Variants in FAM216A observed in about 807,000 individuals in gnomAD.
The protein encoded by FAM216A is protein FAM216A.
FAM216A carries 26 observed loss-of-function variants against 37.6 expected under a neutral mutation model. That is an observed-to-expected ratio of 0.69 (90% CI 0.51 to 0.96). The LOEUF (loss-of-function observed/expected upper bound fraction) is 0.96, where lower values mean the gene tolerates loss of function less well. FAM216A is among the 40% of genes least tolerant of loss of function. The pLI is 0.00. For synonymous variants in FAM216A, 110 were observed against 121.7 expected (o/e 0.90, Z 0.64); for missense variants, 326 against 339.3 (o/e 0.96, Z 0.31).
At chr12:110,474,133 T>A (rs2062702463) in intron 2 of FAM216A, among the ~76,000 whole-genome samples, 1 of 152,106 alleles carries the variant, frequency 6.6e-6, no homozygotes. Context: ...AATAATATGG[T>A]CATTTAAAAA....
intron 3 of FAM216A, 52 bp downstream of exon 3, chr12:110,485,251 G>C (rs539886809): frequency 1.3e-6 from 2 of 1,544,346 alleles, no homozygotes; most frequent in Non-Finnish European, 1.7e-6. Flanking sequence ...ATTCAGAGCC[G>C]AACTTTTTAC....
chr12:110,472,194 G>A (rs1354582465), intron 1 of FAM216A, among the ~76,000 whole-genome samples: 3 of 151,252 alleles, frequency 2.0e-5, no homozygotes, highest in African/African-American at 7.3e-5. Flanking sequence ...TCACGCCATT[G>A]CACTCCAGCC....
chr12:110,484,658 A>G (rs1170546930), intron 2 of FAM216A, among the ~76,000 whole-genome samples: 1 of 151,896 alleles, frequency 6.6e-6, no homozygotes, highest in South Asian at 2.1e-4. Flanking sequence ...GTGCTCTAAA[A>G]CCAAATGGCA....
intron 2 of FAM216A, among the ~76,000 whole-genome samples, chr12:110,484,751 T>G (rs1219091780): frequency 6.6e-6 from 1 of 151,870 alleles, no homozygotes; most frequent in Non-Finnish European, 1.5e-5. Context: ...TGTAAATATC[T>G]AGATCTTTTT....
At chr12:110,469,149 A>G in intron 1 of FAM216A, 131 bp downstream of exon 1, 2 of 1,101,288 alleles carry the variant, frequency 1.8e-6, no homozygotes, top group Non-Finnish European at 2.4e-6. Flanking sequence ...GGTGCCCTCA[A>G]GTGAGAGGCG....
chr12:110,475,275 T>C (rs1342806091), intron 2 of FAM216A, among the ~76,000 whole-genome samples: 2 of 152,204 alleles, frequency 1.3e-5, no homozygotes, highest in Non-Finnish European at 2.9e-5. Flanking sequence ...GGAGTCTCAC[T>C]CTGTCGCCCA....
intron 2 of FAM216A, among the ~76,000 whole-genome samples, chr12:110,479,663 C>T (rs1214583504): frequency 6.6e-6 from 1 of 151,780 alleles, no homozygotes; most frequent in Admixed American, 6.6e-5. Flanking sequence ...ATGATGAAAC[C>T]CCGTCTCTAC....
chr12:110,478,832 C>T (rs188113631), intron 2 of FAM216A, among the ~76,000 whole-genome samples: 4 of 151,960 alleles, frequency 2.6e-5, no homozygotes, highest in Non-Finnish European at 4.4e-5. Flanking sequence ...TGTTTTAAGC[C>T]GCTAAAGTTG....
At chr12:110,474,736 T>C (rs2062705963) in intron 2 of FAM216A, among the ~76,000 whole-genome samples, 1 of 140,950 alleles carries the variant, frequency 7.1e-6, no homozygotes, top group Admixed American at 7.3e-5. Context: ...GCGCCGTGGC[T>C]CACGCCTGTA....
rs1244357658 is a variant in FAM216A at position 110,485,144 on chromosome 12, C to T, written c.251C>T (p.Pro84Leu). 2 of 1,612,760 alleles carry T rather than the reference C, an allele frequency of 1.2e-6. No individual in the cohort carries two copies. Among genetic ancestry groups the T allele is most frequent in the Non-Finnish European group, 1.7e-6 (2 of 1,179,588 alleles). The part of the protein sequence containing the change: ...IAKLQELWKT[P>L]QNQTIHLSKS... ...AAGCTGCAAGAGTTATGGAAAACTC[C>T]CCAAAATCAAACAATCCACCTCTCT... Residue 84 changes from proline (P) to leucine (L), a missense_variant, in exon 3 of 7, where the codon CCC becomes CTC. Transcript: ENST00000377673.
In FAM216A at chr12:110,490,334, A is replaced by G. The variant is rs1454843267; in HGVS notation, c.*197A>G. The G allele has an allele frequency of 1.8e-6, 1 of 553,618 alleles. No homozygotes were observed. The highest frequency in any genetic ancestry group is 3.2e-6 in the Non-Finnish European group (1 of 312,262). The allele number at this position is 553,618 out of a possible 1,614,324, so 34.3% of individuals were successfully genotyped here. ...AGTTATGTAAGAAAATTTACATGTA[A>G]CATATACTTGTACTTCTAGCTAGAT... On this transcript the variant is annotated 3_prime_UTR_variant, in exon 7 of 7. Transcript: ENST00000377673.
intron 2 of FAM216A, among the ~76,000 whole-genome samples, chr12:110,481,954 C>T (rs1565852386): frequency 6.6e-6 from 1 of 152,092 alleles, no homozygotes; most frequent in Non-Finnish European, 1.5e-5. Context: ...CTAGTTAGTC[C>T]TTACCTGTAG....
chr12:110,472,287 A>G (rs2062691051), intron 1 of FAM216A, among the ~76,000 whole-genome samples: 1 of 152,106 alleles, frequency 6.6e-6, no homozygotes, highest in Non-Finnish European at 1.5e-5. Context: ...AAATCACTTC[A>G]TTAAAAATAA....
intron 1 of FAM216A, among the ~76,000 whole-genome samples, chr12:110,472,584 G>A (rs1249244935): frequency 6.6e-6 from 1 of 151,850 alleles, no homozygotes; most frequent in Non-Finnish European, 1.5e-5. Context: ...AAAAATCTTG[G>A]AGCCATTAGG....
At position 110,490,376 on chromosome 12, in the gene FAM216A, T is replaced by C; in HGVS notation, c.*239T>C. On this transcript the variant is annotated 3_prime_UTR_variant, in exon 7 of 7. Transcript: ENST00000377673. ...TAGCTAGATACAATTAAAACTTTTC[T>C]TGCATTCAATATTGAATTACTTTTC... The C allele has an allele frequency of 2.4e-6, 1 of 421,792 alleles. No individual in the cohort carries two copies. The highest frequency in any genetic ancestry group is 2.8e-5 in the South Asian group (1 of 35,792). The allele number at this position is 421,792 out of a possible 1,614,324, so 26.1% of individuals were successfully genotyped here.
At chr12:110,485,013 C>T (rs1592982246) in intron 2 of FAM216A, 65 bp from the exon 3 acceptor site, 1 of 1,535,464 alleles carries the variant, frequency 6.5e-7, no homozygotes, top group Non-Finnish European at 8.8e-7. Context: ...ATATCTAGAT[C>T]TTAATAATTC....
At chr12:110,481,646 T>A (rs948938791) in intron 2 of FAM216A, among the ~76,000 whole-genome samples, 1 of 151,960 alleles carries the variant, frequency 6.6e-6, no homozygotes, top group Non-Finnish European at 1.5e-5. Flanking sequence ...TATACAGGCA[T>A]GAGCCACCAT....
Position 110,468,866 on chromosome 12 carries a change from CG to C in FAM216A, c.-5del. ...CAGCAGCCTGACGCACGCGTGCTGT[CG>C]GGGGAGGGATGCTGGGACAGCTGCT... On this transcript the variant is annotated 5_prime_UTR_variant, in exon 1 of 7. Coordinates refer to ENST00000377673, the MANE Select transcript of FAM216A (RefSeq NM_013300.3). 2.0e-6 allele frequency: 3 copies of C among 1,496,484 alleles called. No individual in the cohort carries two copies. Among genetic ancestry groups the C allele is most frequent in the Non-Finnish European group, 2.7e-6 (3 of 1,123,270 alleles). 92.7% of individuals were successfully genotyped at this position (1,496,484 alleles called of 1,614,324 possible).
intron 2 of FAM216A, among the ~76,000 whole-genome samples, chr12:110,482,086 CTT>C (rs111250050): frequency 1.0e-5 from 1 of 96,882 alleles, no homozygotes; most frequent in African/African-American, 2.8e-5. Context: ...TAACTATATA[CTT>C]TTTTTTTTTT....
Sources: gnomAD v4.1 joint callset for allele counts (sites outside exome capture counted in the v4.1 genomes callset) on GRCh38, gnomAD v4.1.1 for gene constraint, MANE v1.5 for transcripts, NCBI Gene and HGNC (gene_info 2026-07-23, HGNC 2026-07-21) for gene names.